ERBB4: variants seen among roughly 807,000 people sequenced by gnomAD.
ERBB4 encodes receptor tyrosine-protein kinase erbB-4.
A neutral mutation model predicts 158.0 loss-of-function variants in ERBB4; 42 were observed. That is an observed-to-expected ratio of 0.27 (90% CI 0.21 to 0.34). ERBB4 has a LOEUF of 0.34. Ranked by LOEUF, ERBB4 falls within the 10% of genes least tolerant of loss-of-function variation. The pLI is 1.00. For missense variants in ERBB4, 1,333 were observed against 1,624.1 expected (o/e 0.82, Z 3.08); for synonymous variants, 583 against 558.7 (o/e 1.04, Z -0.61).
At chr2:211,700,402 C>A (rs144441892) in intron 12 of ERBB4, among the ~76,000 whole-genome samples, 1 of 152,092 alleles carries the variant, frequency 6.6e-6, no homozygotes, top group Admixed American at 6.5e-5. Flanking sequence ...TTTTACATTT[C>A]GTGATTCTAT....
intron 2 of ERBB4, among the ~76,000 whole-genome samples, chr2:211,999,880 A>T (rs1488359511): frequency 6.6e-6 from 1 of 151,698 alleles, no homozygotes; most frequent in East Asian, 1.9e-4. Flanking sequence ...TCAATGATTC[A>T]TTTCTGTCTC....
At chr2:212,345,625 T>C (rs1255529555) in intron 1 of ERBB4, among the ~76,000 whole-genome samples, 1 of 152,180 alleles carries the variant, frequency 6.6e-6, no homozygotes, top group Non-Finnish European at 1.5e-5. Flanking sequence ...AATATATTTC[T>C]GGGTAAATAA....
chr2:211,925,188 A>G (rs2079983201), intron 3 of ERBB4, among the ~76,000 whole-genome samples: 1 of 152,160 alleles, frequency 6.6e-6, no homozygotes, highest in Non-Finnish European at 1.5e-5. Context: ...TAGGAGAAAA[A>G]TACTTTTTCT....
chr2:212,522,932 T>C (rs915914919), intron 1 of ERBB4, among the ~76,000 whole-genome samples: 6 of 151,978 alleles, frequency 3.9e-5, no homozygotes, highest in African/African-American at 7.2e-5. Flanking sequence ...ATATAGACTG[T>C]AGAAAGTGAG....
At chr2:212,020,992 A>G (rs1482629141) in intron 2 of ERBB4, among the ~76,000 whole-genome samples, 1 of 152,144 alleles carries the variant, frequency 6.6e-6, no homozygotes, top group East Asian at 1.9e-4. Flanking sequence ...GTATTTATGG[A>G]TTACATAGAA....
chr2:212,387,662 C>G (rs1342111755), intron 1 of ERBB4, among the ~76,000 whole-genome samples: 2 of 152,050 alleles, frequency 1.3e-5, no homozygotes, highest in Non-Finnish European at 2.9e-5. Context: ...AGGTGATCCA[C>G]CCACCTTGGC....
At chr2:211,519,248 T>C (rs1255094474) in intron 20 of ERBB4, among the ~76,000 whole-genome samples, 1 of 152,212 alleles carries the variant, frequency 6.6e-6, no homozygotes, top group African/African-American at 2.4e-5. Flanking sequence ...TAAATATTTT[T>C]GCATTATTTA....
At chr2:212,399,328 T>C (rs1317804916) in intron 1 of ERBB4, among the ~76,000 whole-genome samples, 2 of 151,928 alleles carry the variant, frequency 1.3e-5, no homozygotes, top group African/African-American at 4.8e-5. Flanking sequence ...GAGGCAAATA[T>C]TTTCAGACAT....
At chr2:211,862,840 G>A (rs1479919669) in intron 3 of ERBB4, among the ~76,000 whole-genome samples, 1 of 152,168 alleles carries the variant, frequency 6.6e-6, no homozygotes, top group Non-Finnish European at 1.5e-5. Flanking sequence ...TGGACTTCCT[G>A]GGTCGAGTGG....
chr2:212,286,596 T>TGTTTTTTTTTTTTTTTG (rs200822862), intron 1 of ERBB4, among the ~76,000 whole-genome samples: 1 of 91,132 alleles, frequency 1.1e-5, no homozygotes, highest in African/African-American at 6.5e-5. Context: ...AGTGCTGACT[T>TGTTTTTTTTTTTTTTTG]TTTTTTTTTT....
chr2:212,314,601 A>T (rs1227467382), intron 1 of ERBB4, among the ~76,000 whole-genome samples: 2 of 151,224 alleles, frequency 1.3e-5, no homozygotes, highest in East Asian at 3.9e-4. Flanking sequence ...GATTTTTTTT[A>T]AAAAGAATCA....
intron 20 of ERBB4, among the ~76,000 whole-genome samples, chr2:211,451,389 G>A (rs951672223): frequency 6.6e-6 from 1 of 152,156 alleles, no homozygotes; most frequent in Non-Finnish European, 1.5e-5. Flanking sequence ...AACAGTATTT[G>A]TAGACTATTC....
chr2:212,425,234 TA>T (rs995184493), intron 1 of ERBB4, among the ~76,000 whole-genome samples: 2 of 149,914 alleles, frequency 1.3e-5, no homozygotes, highest in African/African-American at 2.4e-5. Flanking sequence ...TTGCTCACAT[TA>T]AAAAAATTAT....
At chr2:211,971,675 G>T (rs2081456903) in intron 2 of ERBB4, among the ~76,000 whole-genome samples, 2 of 152,142 alleles carry the variant, frequency 1.3e-5, no homozygotes, top group Admixed American at 6.5e-5. Context: ...ACTAAATCTA[G>T]CAGAACATCA....
At chr2:211,867,208 T>C (rs2078232308) in intron 3 of ERBB4, among the ~76,000 whole-genome samples, 1 of 152,142 alleles carries the variant, frequency 6.6e-6, no homozygotes, top group African/African-American at 2.4e-5. Context: ...GTCAATGTAG[T>C]TAATATTTTG....
At chr2:211,952,554 A>T (rs148554668) in intron 2 of ERBB4, among the ~76,000 whole-genome samples, 1 of 152,226 alleles carries the variant, frequency 6.6e-6, no homozygotes, top group African/African-American at 2.4e-5. Flanking sequence ...GAATAAAAAC[A>T]ACTTTTAAAC....
At chr2:211,824,597 T>G (rs2077056366) in intron 3 of ERBB4, among the ~76,000 whole-genome samples, 1 of 151,988 alleles carries the variant, frequency 6.6e-6, no homozygotes, top group African/African-American at 2.4e-5. Flanking sequence ...AGTTCATATT[T>G]TTACAAGTTT....
chr2:211,613,048 T>G (rs1487368436), intron 19 of ERBB4, among the ~76,000 whole-genome samples: 1 of 151,982 alleles, frequency 6.6e-6, no homozygotes, highest in African/African-American at 2.4e-5. Context: ...GTGCTAGACT[T>G]GGGACGTCCC....
chr2:211,834,965 T>G (rs558011886), intron 3 of ERBB4, among the ~76,000 whole-genome samples: 1 of 152,140 alleles, frequency 6.6e-6, no homozygotes, highest in East Asian at 1.9e-4. Context: ...TTTCCTAAGC[T>G]AATGTAGGCC....
Sources: allele counts gnomAD v4.1 joint callset (sites outside exome capture counted in the v4.1 genomes callset), GRCh38; gene constraint gnomAD v4.1.1; transcripts MANE v1.5; gene names NCBI Gene and HGNC (gene_info 2026-07-23, HGNC 2026-07-21).